The following MACROD2 variants were observed in gnomAD, a reference collection of about 807,000 sequenced individuals.
MACROD2 encodes the protein ADP-ribose glycohydrolase MACROD2.
MACROD2 carries 36 observed loss-of-function variants against 70.4 expected under a neutral mutation model. That is an observed-to-expected ratio of 0.51 (90% CI 0.39 to 0.68). The LOEUF is 0.68. Among genes scored for constraint, MACROD2 ranks in the 30% least tolerant of loss-of-function variants. MACROD2 has a pLI of 0.00. For missense variants in MACROD2, 496 were observed against 538.4 expected (o/e 0.92, Z 0.78); for synonymous variants, 172 against 178.8 (o/e 0.96, Z 0.30).
intron 5 of MACROD2, among the ~76,000 whole-genome samples, chr20:14,773,121 C>T (rs2064788): frequency 0.086 from 13,023 of 152,052 alleles, 803 homozygotes; most frequent in African/African-American, 0.17. Context: ...TCTATATGAG[C>T]TCACTGCCTC....
At chr20:15,772,578 A>G (rs1311721270) in intron 8 of MACROD2, among the ~76,000 whole-genome samples, 1 of 152,134 alleles carries the variant, frequency 6.6e-6, no homozygotes, top group Non-Finnish European at 1.5e-5. Flanking sequence ...TCACACTGCT[A>G]TAAAGAAATA....
chr20:14,084,091 A>AAAAAC, intron 2 of MACROD2, among the ~76,000 whole-genome samples: 2 of 146,956 alleles, frequency 1.4e-5, no homozygotes, highest in East Asian at 4.0e-4. Context: ...ACAAAAAAAA[A>AAAAAC]CCTTCCGGGA....
intron 15 of MACROD2, among the ~76,000 whole-genome samples, chr20:15,992,749 G>A (rs62194203): frequency 1.3e-5 from 2 of 152,150 alleles, no homozygotes; most frequent in Non-Finnish European, 2.9e-5. Flanking sequence ...GCCCTGAGGT[G>A]TATGATTCTA....
chr20:14,659,574 A>G (rs1201207749), intron 4 of MACROD2, among the ~76,000 whole-genome samples: 2 of 152,118 alleles, frequency 1.3e-5, no homozygotes, highest in Non-Finnish European at 2.9e-5. Context: ...TTGTATTTCA[A>G]AAATTCTCCC....
At chr20:15,943,988 A>G (rs983363225) in intron 12 of MACROD2, among the ~76,000 whole-genome samples, 2 of 152,120 alleles carry the variant, frequency 1.3e-5, no homozygotes, top group Admixed American at 6.5e-5. Context: ...CCATGTCTTT[A>G]GAAGTTCCTC....
chr20:15,653,521 A>G (rs1008340307), intron 8 of MACROD2, among the ~76,000 whole-genome samples: 3 of 152,212 alleles, frequency 2.0e-5, no homozygotes, highest in African/African-American at 7.2e-5. Flanking sequence ...GGATTCCACC[A>G]TTCCAACATC....
chr20:14,215,432 C>G (rs138549891), intron 3 of MACROD2, among the ~76,000 whole-genome samples: 1 of 151,026 alleles, frequency 6.6e-6, no homozygotes, highest in African/African-American at 2.4e-5. Context: ...TTTGGTTCCA[C>G]GGTTTTGCAA....
intron 8 of MACROD2, among the ~76,000 whole-genome samples, chr20:15,568,547 T>A (rs2048338139): frequency 6.6e-6 from 1 of 152,196 alleles, no homozygotes; most frequent in Non-Finnish European, 1.5e-5. Flanking sequence ...AGGGACTTCA[T>A]GGCTTAGGAA....
At chr20:15,912,056 T>C (rs948218235) in intron 10 of MACROD2, among the ~76,000 whole-genome samples, 2 of 152,226 alleles carry the variant, frequency 1.3e-5, no homozygotes, top group Admixed American at 1.3e-4. Flanking sequence ...GTTTGCTTTT[T>C]AAAACATTGT....
At chr20:14,246,776 C>G (rs2081971320) in intron 3 of MACROD2, among the ~76,000 whole-genome samples, 1 of 152,170 alleles carries the variant, frequency 6.6e-6, no homozygotes, top group Non-Finnish European at 1.5e-5. Context: ...ACTTCTTTAT[C>G]CTGTTGTAAA....
At chr20:14,344,913 A>G (rs1267947557) in intron 3 of MACROD2, among the ~76,000 whole-genome samples, 1 of 152,208 alleles carries the variant, frequency 6.6e-6, no homozygotes, top group Non-Finnish European at 1.5e-5. Flanking sequence ...TCAGTAGCCC[A>G]GGGAACAGAC....
intron 4 of MACROD2, among the ~76,000 whole-genome samples, chr20:14,503,316 C>T (rs1331327603): frequency 6.6e-6 from 1 of 152,136 alleles, no homozygotes; most frequent in African/African-American, 2.4e-5. Context: ...GGACACCTGA[C>T]CCTGAGTTTA....
intron 6 of MACROD2, among the ~76,000 whole-genome samples, chr20:15,400,919 C>A (rs1373886643): frequency 6.6e-6 from 1 of 152,156 alleles, no homozygotes; most frequent in African/African-American, 2.4e-5. Flanking sequence ...AGAGAAATGA[C>A]AGAAGTCTCA....
intron 6 of MACROD2, among the ~76,000 whole-genome samples, chr20:15,242,173 C>A (rs975657877): frequency 6.6e-6 from 1 of 152,096 alleles, no homozygotes; most frequent in Admixed American, 6.5e-5. Flanking sequence ...AGCCACAGTC[C>A]AGTCATAACC....
At chr20:15,779,943 G>A (rs2051801367) in intron 8 of MACROD2, among the ~76,000 whole-genome samples, 2 of 152,068 alleles carry the variant, frequency 1.3e-5, no homozygotes, top group Non-Finnish European at 1.5e-5. Context: ...ACAGGAAAAA[G>A]ATAAGTTATA....
At chr20:14,426,861 G>T (rs757288903) in intron 3 of MACROD2, among the ~76,000 whole-genome samples, 5 of 152,108 alleles carry the variant, frequency 3.3e-5, no homozygotes, top group Non-Finnish European at 7.4e-5. Context: ...ACTATGCAGA[G>T]ACCTTTTACT....
At chr20:14,713,639 A>G (rs776179058) in intron 5 of MACROD2, among the ~76,000 whole-genome samples, 32 of 152,204 alleles carry the variant, frequency 2.1e-4, no homozygotes, top group Non-Finnish European at 3.4e-4. Context: ...TTGAAGACCT[A>G]ACTATATATG....
At chr20:15,054,258 G>A (rs969621886) in intron 5 of MACROD2, among the ~76,000 whole-genome samples, 5 of 152,192 alleles carry the variant, frequency 3.3e-5, no homozygotes, top group African/African-American at 4.8e-5. Flanking sequence ...AAATTCTACT[G>A]TGTGAAAAAT....
chr20:15,554,546 CAAAAAA>C (rs201068996), intron 8 of MACROD2, among the ~76,000 whole-genome samples: 2 of 89,846 alleles, frequency 2.2e-5, no homozygotes, highest in African/African-American at 8.3e-5. Context: ...CCTATTTGGC[CAAAAAA>C]AAAAAAAAAG....
Sources: gnomAD v4.1 joint callset for allele counts (sites outside exome capture counted in the v4.1 genomes callset) on GRCh38, gnomAD v4.1.1 for gene constraint, MANE v1.5 for transcripts, NCBI Gene and HGNC (gene_info 2026-07-23, HGNC 2026-07-21) for gene names.